Variants in KCTD9 observed in about 807,000 individuals in gnomAD.
KCTD9 encodes potassium channel tetramerization domain containing 9, also known as BTB/POZ domain-containing protein KCTD9.
In KCTD9, 17 loss-of-function variants were observed where a neutral mutation model predicts 53.3. The ratio of observed to expected loss-of-function variants is 0.32; its 90% CI spans 0.22 to 0.48. KCTD9 has a LOEUF of 0.48. Ranked by LOEUF, KCTD9 falls within the 20% of genes least tolerant of loss-of-function variation. The pLI is 0.99. For synonymous variants in KCTD9, 128 were observed against 162.7 expected (o/e 0.79, Z 1.62); for missense variants, 179 against 465.5 (o/e 0.38, Z 5.66).
chr8:25,442,744 G>A (rs998255007), intron 3 of KCTD9, among the ~76,000 whole-genome samples: 17 of 152,144 alleles, frequency 1.1e-4, no homozygotes, highest in African/African-American at 3.9e-4. Context: ...CGACAATTCA[G>A]AAACAATACA....
chr8:25,430,276 C>T (rs1801902537), intron 11 of KCTD9, among the ~76,000 whole-genome samples: 2 of 152,142 alleles, frequency 1.3e-5, no homozygotes, highest in East Asian at 3.9e-4. Context: ...ACCCCTGGGC[C>T]ACAGACTGAT....
At chr8:25,442,569 C>A (rs968664137) in intron 3 of KCTD9, among the ~76,000 whole-genome samples, 1 of 152,022 alleles carries the variant, frequency 6.6e-6, no homozygotes, top group African/African-American at 2.4e-5. Flanking sequence ...AAGATGTCAC[C>A]GAATATTGTT....
At position 25,436,623 on chromosome 8, in the gene KCTD9, T is replaced by C. The variant is rs540576478; in HGVS notation, c.500-138A>G. On this transcript the variant is annotated intron_variant, in intron 6 of 11. Coordinates refer to ENST00000221200, the MANE Select transcript of KCTD9 (RefSeq NM_017634.4). ...TTAAATGGAGCAGATCTGAACAGGT[T>C]TGCCACAAGTATCTTTTACATACTG... 3.1e-5 allele frequency: 17 copies of C among 539,782 alleles called. No individual in the cohort carries two copies. In the South Asian group the frequency reaches 5.4e-4, roughly 17 times the overall value. 33.4% of individuals were successfully genotyped at this position (539,782 alleles called of 1,614,324 possible).
In KCTD9 at chr8:25,440,564, C is replaced by T; in HGVS notation, c.311+13G>A. On this transcript the variant is annotated intron_variant, in intron 4 of 11. Transcript: ENST00000221200. ...TTGCATTCTCTTTCTAACACACATA[C>T]ACACACACCTACCGTGTAGTTGTAA... The T allele has an allele frequency of 1.3e-6, 2 of 1,534,846 alleles. No individual in the cohort carries two copies. Among genetic ancestry groups the T allele is most frequent in the Non-Finnish European group, 1.8e-6 (2 of 1,108,478 alleles).
intron 10 of KCTD9, 103 bp from the exon 11 acceptor site, chr8:25,432,740 A>T: frequency 1.0e-6 from 1 of 994,508 alleles, no homozygotes; most frequent in Non-Finnish European, 1.5e-6. Flanking sequence ...TAACTTTTGG[A>T]AATTAATCTA....
chr8:25,444,243 C>CTCT, intron 3 of KCTD9, 49 bp downstream of exon 3: 1 of 963,502 alleles, frequency 1.0e-6, no homozygotes, highest in Non-Finnish European at 1.5e-6. Flanking sequence ...GTCATTCCAT[C>CTCT]TTTTTTTTTT....
chr8:25,449,024 T>A (rs745714585), intron 1 of KCTD9, among the ~76,000 whole-genome samples: 1 of 152,164 alleles, frequency 6.6e-6, no homozygotes, highest in East Asian at 1.9e-4. Flanking sequence ...ATTATACACA[T>A]TCCTGGGACA....
chr8:25,458,156 G>GC, intron 1 of KCTD9, 43 bp downstream of exon 1: 3 of 1,499,902 alleles, frequency 2.0e-6, no homozygotes, highest in Non-Finnish European at 2.7e-6. Context: ...GTCCGCCCTC[G>GC]CCCCGACCCC....
chr8:25,427,958 C>CAT lies in KCTD9; in HGVS notation c.*1897_*1898dup, dbSNP rs1801864859. The CAT allele has an allele frequency of 6.6e-6, 1 of 152,148 alleles. No individual in the cohort carries two copies. The highest frequency in any genetic ancestry group is 2.4e-5 in the African/African-American group (1 of 41,432). 9.4% of individuals were successfully genotyped at this position (152,148 alleles called of 1,614,324 possible). On this transcript the variant is annotated 3_prime_UTR_variant, in exon 12 of 12. Coordinates refer to ENST00000221200, the MANE Select transcript of KCTD9 (RefSeq NM_017634.4). ...AGAACCACAGGGCTGGTTGTCAACA[C>CAT]ATATTGAAGAAATGTAAGCAAAATA...
intron 11 of KCTD9, among the ~76,000 whole-genome samples, chr8:25,431,211 C>CT (rs557143302): frequency 8.6e-5 from 13 of 151,244 alleles, no homozygotes; most frequent in Non-Finnish European, 1.6e-4. Context: ...GGGGGGAAGA[C>CT]TTTTTTTTTA....
At position 25,439,366 on chromosome 8, in the gene KCTD9, T is replaced by C. The variant is rs1479176265; in HGVS notation, c.412A>G (p.Ile138Val). ...NKQDHRGAFL[I>V]DRSPEYFEPI... ...TCGAAGTACTCAGGACTTCGGTCAA[T>C]TAAGAAAGCTCCTCTATGATCTTGC... The change falls in exon 6 of 12, where the codon ATT becomes GTT. Residue 138 changes from isoleucine to valine, a missense_variant. Transcript: ENST00000221200. The C allele has an allele frequency of 1.2e-6, 2 of 1,613,468 alleles. No individual in the cohort carries two copies. Among genetic ancestry groups the C allele is most frequent in the African/African-American group, 1.3e-5 (1 of 74,906 alleles).
At position 25,458,196 on chromosome 8, in the gene KCTD9, T is replaced by C; in HGVS notation, c.48+3A>G. 4 of 1,602,094 alleles carry C rather than the reference T, an allele frequency of 2.5e-6. No individual in the cohort carries two copies. Among genetic ancestry groups the C allele is most frequent in the Non-Finnish European group, 3.4e-6 (4 of 1,174,266 alleles). ...CCGCCGCGCCCCCTCACGCCCCCGT[T>C]ACCTTTCCGTTCTTGGGGCTGCCGT... On this transcript the variant is annotated splice_donor_region_variant and intron_variant, in intron 1 of 11. Coordinates refer to ENST00000221200, the MANE Select transcript of KCTD9 (RefSeq NM_017634.4).
At chr8:25,450,462 ATTCAT>A in intron 1 of KCTD9, 2 of 983,258 alleles carry the variant, frequency 2.0e-6, no homozygotes, top group African/African-American at 1.7e-5. Context: ...TGACAGTCAT[ATTCAT>A]TTAAGTCTCT....
At chr8:25,457,172 C>T (rs1433012334) in intron 1 of KCTD9, 1 of 162,088 alleles carries the variant, frequency 6.2e-6, no homozygotes, top group Non-Finnish European at 1.3e-5. Context: ...TTACTCTACA[C>T]TGAATAATCG....
intron 1 of KCTD9, among the ~76,000 whole-genome samples, chr8:25,446,734 T>C (rs981843822): frequency 1.4e-4 from 22 of 152,352 alleles, no homozygotes; most frequent in Non-Finnish European, 2.4e-4. Context: ...TTTATTTATT[T>C]GAATGGTTCA....
At chr8:25,434,310 A>C (rs558256681) in intron 9 of KCTD9, among the ~76,000 whole-genome samples, 13 of 152,150 alleles carry the variant, frequency 8.5e-5, no homozygotes, top group Non-Finnish European at 1.9e-4. Flanking sequence ...ATGTTGGCTA[A>C]GATGGTCTTG....
rs937074615 is a variant in KCTD9 at position 25,428,352 on chromosome 8, C to T, written c.*1505G>A. On this transcript the variant is annotated 3_prime_UTR_variant, in exon 12 of 12. Coordinates refer to ENST00000221200, the MANE Select transcript of KCTD9 (RefSeq NM_017634.4). ...TTTCCTTCACTTGTAAAGGTCTGAT[C>T]TCCTCCCACTATGCATATGTACCCT... 5 of 152,556 alleles carry T rather than the reference C, an allele frequency of 3.3e-5. No homozygotes were observed. The highest frequency in any genetic ancestry group is 1.2e-4 in the African/African-American group (5 of 41,428). 9.5% of individuals were successfully genotyped at this position (152,556 alleles called of 1,614,324 possible). A position where few individuals can be genotyped will look rare whatever the true frequency, so the allele number is the denominator to read the frequency against.
intron 11 of KCTD9, among the ~76,000 whole-genome samples, 162 bp downstream of exon 11, chr8:25,432,342 C>CA (rs1801946380): frequency 1.3e-5 from 2 of 152,104 alleles, no homozygotes; most frequent in Admixed American, 1.3e-4. Context: ...GAGAAAAACT[C>CA]AAGGAAAAGG....
intron 1 of KCTD9, chr8:25,450,318 T>C (rs1351628865): frequency 1.0e-6 from 1 of 985,106 alleles, no homozygotes; most frequent in African/African-American, 1.7e-5. Context: ...TAAGCAGCAC[T>C]AAAGAAGTAC....
Sources: gnomAD v4.1 joint callset for allele counts (sites outside exome capture counted in the v4.1 genomes callset) on GRCh38, gnomAD v4.1.1 for gene constraint, MANE v1.5 for transcripts, NCBI Gene and HGNC (gene_info 2026-07-23, HGNC 2026-07-21) for gene names.